The following KANSL1L variants were observed in gnomAD, a reference collection of about 807,000 sequenced individuals.
KANSL1L encodes the protein KAT8 regulatory NSL complex subunit 1-like protein.
A neutral mutation model predicts 108.6 loss-of-function variants in KANSL1L; 25 were observed. The observed-to-expected ratio is 0.23, with a 90% CI of 0.17 to 0.32. The LOEUF is 0.32. KANSL1L is among the 10% of genes least tolerant of loss of function. The pLI, the probability that KANSL1L is intolerant of heterozygous loss-of-function variation, is 1.00. For synonymous variants in KANSL1L, 405 were observed against 395.1 expected (o/e 1.03, Z -0.30); for missense variants, 1,137 against 1,125.7 (o/e 1.01, Z -0.14).
chr2:210,048,813 C>T (rs1475338233), intron 6 of KANSL1L, among the ~76,000 whole-genome samples: 5 of 151,794 alleles, frequency 3.3e-5, no homozygotes, highest in Admixed American at 1.3e-4. Flanking sequence ...AGAGTTTATT[C>T]CCCTAGAAAG....
intron 6 of KANSL1L, among the ~76,000 whole-genome samples, chr2:210,063,325 C>G (rs1400281553): frequency 6.6e-6 from 1 of 152,230 alleles, no homozygotes; most frequent in Non-Finnish European, 1.5e-5. Context: ...AGAACCTCTG[C>G]TAGGGGAGTG....
At chr2:210,144,921 T>G (rs573699634) in intron 2 of KANSL1L, among the ~76,000 whole-genome samples, 1 of 152,346 alleles carries the variant, frequency 6.6e-6, no homozygotes, top group South Asian at 2.1e-4. Flanking sequence ...GTCTGCATAG[T>G]TGATGAAGCA....
At chr2:210,104,858 AG>A (rs1296346645) in intron 3 of KANSL1L, among the ~76,000 whole-genome samples, 1 of 152,142 alleles carries the variant, frequency 6.6e-6, no homozygotes, top group Admixed American at 6.5e-5. Flanking sequence ...ACTGAGAAAA[AG>A]TACTCTCTAG....
At chr2:210,107,510 C>CA (rs142353453) in intron 3 of KANSL1L, among the ~76,000 whole-genome samples, 2,177 of 122,908 alleles carry the variant, frequency 0.018, 23 homozygotes, top group Non-Finnish European at 0.019. Context: ...TTCTTCTCCT[C>CA]AAAAAAAAAA....
intron 6 of KANSL1L, among the ~76,000 whole-genome samples, chr2:210,056,207 G>A (rs570918915): frequency 4.5e-4 from 69 of 152,348 alleles, no homozygotes; most frequent in African/African-American, 1.6e-3. Context: ...AGCATGTGGT[G>A]TTGAGCCTGT....
chr2:210,022,906 C>CCAT lies in KANSL1L; in HGVS notation c.*40_*42dup, dbSNP rs1236284297. ...ATCCAGAACAGGGCTTTATTTCCTC[C>CCAT]CATCTTTCCTACATTTACATAGTTT... On this transcript the variant is annotated 3_prime_UTR_variant, in exon 15 of 15. Coordinates refer to ENST00000281772, the MANE Select transcript of KANSL1L (RefSeq NM_152519.4). 12 of 1,364,204 alleles carry CCAT rather than the reference C, an allele frequency of 8.8e-6. No homozygotes were observed. Among genetic ancestry groups the CCAT allele is most frequent in the Non-Finnish European group, 6.3e-6 (6 of 957,202 alleles). 84.5% of individuals were successfully genotyped at this position (1,364,204 alleles called of 1,614,324 possible). A position where few individuals can be genotyped will look rare whatever the true frequency, so the allele number is the denominator to read the frequency against.
In KANSL1L at chr2:210,160,737, A is replaced by C. The variant is rs1457645269; in HGVS notation, c.-29-6126T>G. Among the ~76,000 whole-genome samples, 3 of 152,228 alleles carry C rather than the reference A, an allele frequency of 2.0e-5. No homozygotes were observed. In the East Asian group the frequency reaches 5.8e-4, roughly 29 times the overall value. On this transcript the variant is annotated intron_variant, in intron 1 of 14. Coordinates refer to ENST00000281772, the MANE Select transcript of KANSL1L (RefSeq NM_152519.4). Reference sequence around the variant, plus strand: ...TATTGTTATGATGCTAATTCTCCTCAAACTGATTTATAAGTTTAGATACAA... The same window carrying C: ...TATTGTTATGATGCTAATTCTCCTCCAACTGATTTATAAGTTTAGATACAA...
chr2:210,105,287 T>TTA (rs1305596611), intron 3 of KANSL1L, among the ~76,000 whole-genome samples: 2 of 148,616 alleles, frequency 1.3e-5, no homozygotes, highest in African/African-American at 4.9e-5. Context: ...AGATATTATG[T>TTA]TATATATATA....
Position 210,162,069 on chromosome 2 carries a change from A to AT in KANSL1L, c.-29-7459_-29-7458insA, listed in dbSNP as rs1164629397. ...GTGAGACCCTGTCTCTATTTAAAAAAAAAAAAAATATATATATATACACAC... is the reference window on the plus strand; with the variant it reads ...GTGAGACCCTGTCTCTATTTAAAAAATAAAAAAAATATATATATATACACAC... On this transcript the variant is annotated intron_variant, in intron 1 of 14. Transcript: ENST00000281772. Among the ~76,000 whole-genome samples the AT allele has an allele frequency of 7.1e-5, 10 of 141,528 alleles. No individual in the cohort carries two copies. The East Asian group carries it at 1.6e-3, about 23-fold the overall frequency. 92.8% of individuals were successfully genotyped at this position (141,528 alleles called of 152,430 possible). A position where few individuals can be genotyped will look rare whatever the true frequency, so the allele number is the denominator to read the frequency against.
At chr2:210,099,485 T>C (rs1379756390) in intron 4 of KANSL1L, among the ~76,000 whole-genome samples, 1 of 152,240 alleles carries the variant, frequency 6.6e-6, no homozygotes, top group East Asian at 1.9e-4. Context: ...ACCATTTATT[T>C]TGAAGATAGT....
chr2:210,114,538 A>G (rs1433689034), intron 3 of KANSL1L, among the ~76,000 whole-genome samples: 1 of 152,176 alleles, frequency 6.6e-6, no homozygotes, highest in Non-Finnish European at 1.5e-5. Context: ...ATCTCAATGA[A>G]GTTAAATACA....
intron 7 of KANSL1L, among the ~76,000 whole-genome samples, chr2:210,043,232 T>C (rs1303881946): frequency 1.3e-5 from 2 of 151,736 alleles, no homozygotes; most frequent in African/African-American, 4.8e-5. Context: ...CAAAAAAATT[T>C]AAAAATTAGC....
chr2:210,121,684 G>A (rs1051454483), intron 3 of KANSL1L, among the ~76,000 whole-genome samples: 3 of 151,988 alleles, frequency 2.0e-5, no homozygotes, highest in Non-Finnish European at 4.4e-5. Flanking sequence ...AAACTTTTTG[G>A]GGGGCAAATT....
chr2:210,107,589 C>T (rs1415590831), intron 3 of KANSL1L, among the ~76,000 whole-genome samples: 8 of 150,646 alleles, frequency 5.3e-5, no homozygotes, highest in African/African-American at 7.3e-5. Flanking sequence ...AGTGCAGTGG[C>T]GCAATCTTGA....
intron 5 of KANSL1L, among the ~76,000 whole-genome samples, chr2:210,086,691 G>A: frequency 6.6e-6 from 1 of 151,946 alleles, no homozygotes; most frequent in East Asian, 1.9e-4. Flanking sequence ...TTAAGTATGA[G>A]TTAATACTTA....
intron 1 of KANSL1L, among the ~76,000 whole-genome samples, chr2:210,167,092 C>G (rs1306132033): frequency 1.3e-5 from 2 of 151,676 alleles, no homozygotes; most frequent in Non-Finnish European, 3.0e-5. Flanking sequence ...AGGGAAAAGT[C>G]CAATTAAACA....
intron 8 of KANSL1L, among the ~76,000 whole-genome samples, chr2:210,036,036 T>C (rs1301964834): frequency 2.0e-5 from 3 of 152,208 alleles, no homozygotes; most frequent in African/African-American, 7.2e-5. Context: ...TCCACCCTTC[T>C]TTCTCTGTAA....
intron 13 of KANSL1L, 66 bp from the exon 14 acceptor site, chr2:210,024,267 A>AC: frequency 2.3e-6 from 3 of 1,284,870 alleles, no homozygotes; most frequent in Non-Finnish European, 3.2e-6. Context: ...TTTATGAACA[A>AC]CCCAAGGTAT....
intron 2 of KANSL1L, chr2:210,152,859 A>T (rs1022845707): frequency 3.3e-5 from 5 of 152,236 alleles, no homozygotes; most frequent in Admixed American, 2.6e-4. Flanking sequence ...TAGATCACTT[A>T]AACAAAGATT....
Sources: gnomAD v4.1 joint callset for allele counts (sites outside exome capture counted in the v4.1 genomes callset) on GRCh38, gnomAD v4.1.1 for gene constraint, MANE v1.5 for transcripts, NCBI Gene and HGNC (gene_info 2026-07-23, HGNC 2026-07-21) for gene names.